GLIS1: variants seen among roughly 807,000 people sequenced by gnomAD.
GLIS1 encodes zinc finger protein GLIS1.
Under a neutral mutation model 63.8 loss-of-function variants are expected in GLIS1, and 24 were observed. That is an observed-to-expected ratio of 0.38 (90% CI 0.27 to 0.53). The LOEUF is 0.53. GLIS1 is among the 20% of genes least tolerant of loss of function. GLIS1 has a pLI of 0.85. For synonymous variants in GLIS1, 450 were observed against 482.5 expected (o/e 0.93, Z 0.88); for missense variants, 1,036 against 1,074.1 (o/e 0.96, Z 0.50).
intron 2 of GLIS1, among the ~76,000 whole-genome samples, chr1:53,667,696 G>A (rs941074364): frequency 2.6e-5 from 4 of 152,228 alleles, no homozygotes; most frequent in African/African-American, 9.6e-5. Flanking sequence ...AGAAGTCCAA[G>A]ACCAAAGCAT....
At chr1:53,706,166 G>C (rs975291485) in intron 2 of GLIS1, among the ~76,000 whole-genome samples, 1 of 152,218 alleles carries the variant, frequency 6.6e-6, no homozygotes, top group Non-Finnish European at 1.5e-5. Context: ...GGCTTAGTGA[G>C]GTTAAGTAAC....
intron 2 of GLIS1, among the ~76,000 whole-genome samples, chr1:53,605,881 G>A (rs531807264): frequency 6.6e-6 from 1 of 152,306 alleles, no homozygotes; most frequent in East Asian, 1.9e-4. Context: ...TGCTGGGAGG[G>A]TAGGTGGCTG....
intron 4 of GLIS1, among the ~76,000 whole-genome samples, chr1:53,545,838 C>T (rs951775285): frequency 6.6e-6 from 1 of 152,228 alleles, no homozygotes; most frequent in Non-Finnish European, 1.5e-5. Flanking sequence ...TTGCGTGAGT[C>T]GCTGCAGAGG....
At chr1:53,618,055 G>A (rs1276645923) in intron 2 of GLIS1, among the ~76,000 whole-genome samples, 1 of 152,238 alleles carries the variant, frequency 6.6e-6, no homozygotes, top group African/African-American at 2.4e-5. Flanking sequence ...CCTGTGCTGG[G>A]GCACAAGGTG....
chr1:53,610,291 T>C (rs1645412492), intron 2 of GLIS1, among the ~76,000 whole-genome samples: 1 of 152,258 alleles, frequency 6.6e-6, no homozygotes, highest in Non-Finnish European at 1.5e-5. Context: ...TTTCCCTTCA[T>C]CCTGTTTCCA....
chr1:53,611,070 A>G (rs1395665754), intron 2 of GLIS1, among the ~76,000 whole-genome samples: 5 of 151,970 alleles, frequency 3.3e-5, no homozygotes, highest in African/African-American at 1.2e-4. Context: ...TTTCTTGAAC[A>G]TATTAATGTT....
chr1:53,601,323 G>T (rs1645315629), intron 2 of GLIS1, among the ~76,000 whole-genome samples: 1 of 152,206 alleles, frequency 6.6e-6, no homozygotes, highest in Non-Finnish European at 1.5e-5. Context: ...CCTAGTGGAT[G>T]CACCAAGAAG....
chr1:53,528,866 C>A lies in GLIS1; in HGVS notation c.1482+925G>T, dbSNP rs190487196. Among the ~76,000 whole-genome samples, 38 of 152,222 alleles carry A rather than the reference C, an allele frequency of 2.5e-4. 1 individual carries two copies. In the East Asian group the frequency reaches 3.5e-3, roughly 14 times the overall value. ...GAAGCATAGAGAAACCAGCCTGGGG[C>A]CCGGACATGGCTCTGCTGCAGACCC... On this transcript the variant is annotated intron_variant, in intron 5 of 10. Coordinates refer to ENST00000628545, the MANE Select transcript of GLIS1 (RefSeq NM_001367484.1).
Position 53,634,618 on chromosome 1 carries a change from C to T in GLIS1, c.260-34340G>A, listed in dbSNP as rs141552759. Among the ~76,000 whole-genome samples, 15 of 152,286 alleles carry T rather than the reference C, an allele frequency of 9.8e-5. No homozygotes were observed. The East Asian group carries it at 2.9e-3, about 29-fold the overall frequency. On this transcript the variant is annotated intron_variant, in intron 2 of 10. Transcript: ENST00000628545. ...AGGGAATGCGGGGAGAGAAACGAGA[C>T]ATTGGGCATAGACAACAATGGGCTC...
rs145324528 is a variant in GLIS1, at chr1:53,717,143, C to A, written c.259+20663G>T. On this transcript the variant is annotated intron_variant, in intron 2 of 10. Transcript: ENST00000628545. The stretch of plus-strand genomic sequence containing the variant: ...GTCCTGATGCCAGATGGCCCAACTT[C>A]AAATCCTAGACCTGCCACTTAACAG... Among the ~76,000 whole-genome samples, 769 of 152,292 alleles carry A rather than the reference C, an allele frequency of 5.0e-3. 2 individuals are homozygous for A. The highest frequency in any genetic ancestry group is 0.018 in the African/African-American group (737 of 41,556).
chr1:53,708,495 T>C (rs934193668), intron 2 of GLIS1, among the ~76,000 whole-genome samples: 17 of 152,152 alleles, frequency 1.1e-4, no homozygotes, highest in African/African-American at 3.9e-4. Context: ...CTCAGAGTCA[T>C]GGTCCAGGAG....
At chr1:53,513,229 C>T (rs889216170) in intron 8 of GLIS1, among the ~76,000 whole-genome samples, 7 of 152,164 alleles carry the variant, frequency 4.6e-5, no homozygotes, top group African/African-American at 1.7e-4. Context: ...CACTGCCTTC[C>T]GGGCTCCCCC....
chr1:53,694,231 C>A (rs1646440121), intron 2 of GLIS1, among the ~76,000 whole-genome samples: 1 of 151,976 alleles, frequency 6.6e-6, no homozygotes, highest in South Asian at 2.1e-4. Flanking sequence ...GGGGTGGGCC[C>A]TCTAGGTGAG....
chr1:53,594,255 G>C lies in GLIS1; in HGVS notation c.1173C>G (p.Ile391Met). 1.2e-6 allele frequency: 2 copies of C among 1,613,578 alleles called. No individual in the cohort carries two copies. Among genetic ancestry groups the C allele is most frequent in the Non-Finnish European group, 8.5e-7 (1 of 1,179,966 alleles). Residue 391 changes from isoleucine (I) to methionine (M), a missense_variant, in exon 4 of 11, where the codon ATC becomes ATG. Transcript: ENST00000628545. ...TGCGCTGGTCGATGTGGCTCTTCTC[G>C]ATGTGCCGCACCAGCTCCTCCTGCT... ...YEQQEELVRH[I>M]EKSHIDQRKG...
chr1:53,519,770 A>T (rs3887579), intron 7 of GLIS1, among the ~76,000 whole-genome samples: 1 of 152,072 alleles, frequency 6.6e-6, no homozygotes, highest in Non-Finnish European at 1.5e-5. Flanking sequence ...TCTGGGCCAC[A>T]GAGTTTAGCG....
chr1:53,594,330 C>T lies in GLIS1; in HGVS notation c.1098G>A (p.Val366=), dbSNP rs749938080. The part of the protein sequence containing the change: ...GLGLGLAGRV[V]AGRQACRWVD... ...CCCAGCGGCACGCCTGCCGCCCGGC[C>T]ACCACCCTGCCTGCCAGGCCCAGCC... Residue 366 remains valine (V), a synonymous_variant, in exon 4 of 11, where the codon GTG becomes GTA. Transcript: ENST00000628545. The T allele has an allele frequency of 9.3e-6, 15 of 1,611,600 alleles. No individual in the cohort carries two copies.
intron 4 of GLIS1, among the ~76,000 whole-genome samples, chr1:53,556,404 G>T (rs184743424): frequency 6.8e-6 from 1 of 146,758 alleles, no homozygotes; most frequent in Non-Finnish European, 1.5e-5. Context: ...GTGTGTGTGT[G>T]CAGGTGTACT....
chr1:53,682,211 C>T (rs1361705003), intron 2 of GLIS1, among the ~76,000 whole-genome samples: 1 of 152,242 alleles, frequency 6.6e-6, no homozygotes. Context: ...GACTCCGACT[C>T]CAACTCCAGA....
chr1:53,720,619 G>C (rs889469676), intron 2 of GLIS1, among the ~76,000 whole-genome samples: 1 of 152,150 alleles, frequency 6.6e-6, no homozygotes, highest in Non-Finnish European at 1.5e-5. Context: ...GTACAAAATA[G>C]CTGGAGGAGA....
Sources: gnomAD v4.1 joint callset for allele counts (sites outside exome capture counted in the v4.1 genomes callset) on GRCh38, gnomAD v4.1.1 for gene constraint, MANE v1.5 for transcripts, NCBI Gene and HGNC (gene_info 2026-07-23, HGNC 2026-07-21) for gene names.